GFRA2: variants seen among roughly 807,000 people sequenced by gnomAD.
GFRA2 encodes GDNF family receptor alpha-2.
In GFRA2, 17 loss-of-function variants were observed where a neutral mutation model predicts 48.3. The observed-to-expected ratio is 0.35, with a 90% CI of 0.24 to 0.53. GFRA2 has a LOEUF of 0.53. Among genes scored for constraint, GFRA2 ranks in the 20% least tolerant of loss-of-function variants. The pLI is 0.93. For missense variants in GFRA2, 660 were observed against 637.3 expected, an observed-to-expected ratio of 1.04 and a Z score of -0.38; for synonymous variants, 305 against 257.2, an observed-to-expected ratio of 1.19 and a Z score of -1.78.
chr8:21,785,575 G>A (rs951541616), intron 1 of GFRA2, among the ~76,000 whole-genome samples: 3 of 152,204 alleles, frequency 2.0e-5, no homozygotes, highest in African/African-American at 7.2e-5. Flanking sequence ...GGGGTAGAGG[G>A]GGGTGGAGAA....
At chr8:21,762,353 A>G (rs547577223) in intron 3 of GFRA2, among the ~76,000 whole-genome samples, 2 of 152,294 alleles carry the variant, frequency 1.3e-5, no homozygotes, top group East Asian at 1.9e-4. Flanking sequence ...CAAGGATCCA[A>G]TGGGACCTGA....
At chr8:21,792,829 C>G (rs1438410115), upstream of GFRA2, among the ~76,000 whole-genome samples, 1 of 152,220 alleles carries the variant, frequency 6.6e-6, no homozygotes, top group Non-Finnish European at 1.5e-5. Flanking sequence ...CTCTGGGAGG[C>G]AGAGGCGGGC....
At chr8:21,749,537 T>C (rs999304534) in intron 4 of GFRA2, among the ~76,000 whole-genome samples, 4 of 151,624 alleles carry the variant, frequency 2.6e-5, no homozygotes, top group African/African-American at 7.3e-5. Context: ...CATATGATCA[T>C]TGAGACTGGA....
At chr8:21,727,654 G>A (rs773281388) in intron 4 of GFRA2, among the ~76,000 whole-genome samples, 11 of 152,200 alleles carry the variant, frequency 7.2e-5, no homozygotes, top group Admixed American at 1.3e-4. Context: ...GCCACAGTCC[G>A]CCAAAACAGC....
At chr8:21,717,661 T>C (rs1036775997) in intron 4 of GFRA2, among the ~76,000 whole-genome samples, 2 of 152,210 alleles carry the variant, frequency 1.3e-5, no homozygotes, top group Non-Finnish European at 1.5e-5. Flanking sequence ...CAAATTCAAC[T>C]GACTGTCTAT....
chr8:21,713,738 G>A (rs1337806886), intron 4 of GFRA2, among the ~76,000 whole-genome samples: 1 of 152,174 alleles, frequency 6.6e-6, no homozygotes, highest in African/African-American at 2.4e-5. Context: ...TTCCGGACAA[G>A]CAATATCTGA....
intron 3 of GFRA2, among the ~76,000 whole-genome samples, chr8:21,757,328 C>T (rs957636060): frequency 1.4e-4 from 22 of 152,162 alleles, no homozygotes; most frequent in Admixed American, 1.2e-3. Context: ...ACACTGGAAG[C>T]CCCCACCCCC....
chr8:21,729,811 C>T (rs574372003), intron 4 of GFRA2, among the ~76,000 whole-genome samples: 3 of 152,324 alleles, frequency 2.0e-5, no homozygotes, highest in Admixed American at 6.5e-5. Flanking sequence ...CTCTCCTCTC[C>T]ACTCTTCCAG....
intron 3 of GFRA2, among the ~76,000 whole-genome samples, chr8:21,773,341 T>C (rs1220714247): frequency 6.6e-6 from 1 of 152,000 alleles, no homozygotes; most frequent in Non-Finnish European, 1.5e-5. Context: ...GACTTTGAGG[T>C]CTCCGCTCCA....
At chr8:21,708,508 T>G (rs954714574) in intron 4 of GFRA2, among the ~76,000 whole-genome samples, 2 of 151,986 alleles carry the variant, frequency 1.3e-5, no homozygotes, top group Non-Finnish European at 2.9e-5. Context: ...CAATTATACG[T>G]CCCCCACAAA....
chr8:21,694,993 G>A (rs1207209500), intron 7 of GFRA2, among the ~76,000 whole-genome samples: 2 of 152,128 alleles, frequency 1.3e-5, no homozygotes, highest in Non-Finnish European at 2.9e-5. Flanking sequence ...GCTGATGGAG[G>A]GCTCTATATA....
intron 3 of GFRA2, among the ~76,000 whole-genome samples, chr8:21,757,875 A>G (rs1196368996): frequency 6.6e-6 from 1 of 152,146 alleles, no homozygotes; most frequent in Non-Finnish European, 1.5e-5. Context: ...TTCAATACCT[A>G]TCTAGATTTA....
intron 4 of GFRA2, among the ~76,000 whole-genome samples, chr8:21,729,591 C>T (rs1804077244): frequency 1.3e-5 from 2 of 152,166 alleles, no homozygotes; most frequent in Non-Finnish European, 2.9e-5. Flanking sequence ...CGGCAGTTTC[C>T]TTACAGAAGG....
chr8:21,766,804 A>C (rs1295401335), intron 3 of GFRA2, among the ~76,000 whole-genome samples: 1 of 24 alleles, frequency 0.042, no homozygotes, highest in African/African-American at 0.17. Flanking sequence ...CACACACACA[A>C]ACCGCCCACC....
chr8:21,799,639 A>C (rs1807737887), intron 2 of GFRA2, among the ~76,000 whole-genome samples: 1 of 152,112 alleles, frequency 6.6e-6, no homozygotes, highest in Non-Finnish European at 1.5e-5. Flanking sequence ...CCACACAATA[A>C]ACTGCCTTAT....
chr8:21,703,020 C>T (rs747029190), intron 6 of GFRA2, 43 bp from the exon 7 acceptor site: 34 of 1,272,626 alleles, frequency 2.7e-5, no homozygotes, highest in South Asian at 2.5e-4. Flanking sequence ...TCAGAACCCA[C>T]GTCCGTCACT....
chr8:21,809,250 G>C (rs911996683), intron 1 of GFRA2, among the ~76,000 whole-genome samples: 2 of 152,220 alleles, frequency 1.3e-5, no homozygotes, highest in Admixed American at 1.3e-4. Flanking sequence ...GCCCTTCTAA[G>C]GGCAGGAGAG....
intron 4 of GFRA2, among the ~76,000 whole-genome samples, chr8:21,722,640 C>A (rs181193539): frequency 2.6e-4 from 39 of 152,248 alleles, no homozygotes; most frequent in Admixed American, 1.9e-3. Flanking sequence ...CAGACCCATA[C>A]GAAGGCCCTG....
intron 4 of GFRA2, among the ~76,000 whole-genome samples, chr8:21,740,965 C>T (rs1804718318): frequency 6.6e-6 from 1 of 152,216 alleles, no homozygotes; most frequent in African/African-American, 2.4e-5. Context: ...CTCCACCTGG[C>T]CACCACCCTG....
Sources: allele counts gnomAD v4.1 joint callset (sites outside exome capture counted in the v4.1 genomes callset), GRCh38; gene constraint gnomAD v4.1.1; transcripts MANE v1.5; gene names NCBI Gene and HGNC (gene_info 2026-07-23, HGNC 2026-07-21).